The following GNG7 variants were observed in gnomAD, a reference collection of about 807,000 sequenced individuals.
GNG7 encodes guanine nucleotide-binding protein G(I)/G(S)/G(O) subunit gamma-7.
In GNG7, 1 loss-of-function variant was observed where a neutral mutation model predicts 4.0. That is an observed-to-expected ratio of 0.25 (90% CI 0.09 to 1.18). GNG7 has a LOEUF of 1.18. GNG7 is among the 50% of genes most tolerant of loss of function. The probability of loss-of-function intolerance (pLI) is 0.50; values close to 1 mark genes in which losing one functional copy is unlikely to be tolerated. For missense variants in GNG7, 86 were observed against 91.9 expected (o/e 0.94, Z 0.26); for synonymous variants, 34 against 36.9 (o/e 0.92, Z 0.29).
intron 1 of GNG7, among the ~76,000 whole-genome samples, chr19:2,665,366 G>T (rs554502068): frequency 1.0e-3 from 89 of 86,816 alleles, no homozygotes; most frequent in Non-Finnish European, 2.0e-3. Context: ...TCCCCTGGGG[G>T]GGGGGGGGCA....
At chr19:2,687,834 G>A (rs1329840285) in intron 1 of GNG7, among the ~76,000 whole-genome samples, 1 of 151,836 alleles carries the variant, frequency 6.6e-6, no homozygotes, top group East Asian at 1.9e-4. Context: ...AATTAGCCGG[G>A]CAAGGTGGCA....
In GNG7 at chr19:2,614,234, G is replaced by A. The variant is rs933158730; in HGVS notation, c.-78+31990C>T. ...AGCATGGTCGCCAGAAAGCAGGTGC[G>A]GCGACTTTCCCTAGCACCCTCTCCC... On this transcript the variant is annotated intron_variant, in intron 2 of 4. Transcript: ENST00000382159. This position sits in a 1 kb window ranked among gnomAD's most constrained non-coding sequence, Gnocchi z 6.0. 4.6e-5 allele frequency among the ~76,000 whole-genome samples: 7 copies of A among 152,184 alleles called. No individual in the cohort carries two copies. The highest frequency in any genetic ancestry group is 3.9e-4 in the East Asian group (2 of 5,192).
intron 1 of GNG7, among the ~76,000 whole-genome samples, chr19:2,663,312 C>T (rs1398365293): frequency 6.6e-6 from 1 of 151,948 alleles, no homozygotes; most frequent in African/African-American, 2.4e-5. Context: ...TGCCATCTCT[C>T]TTTCTCTCTC....
At position 2,514,062 on chromosome 19, in the gene GNG7, T is replaced by G. The variant is rs1410799972; in HGVS notation, c.*960A>C. On this transcript the variant is annotated 3_prime_UTR_variant, in exon 5 of 5. Transcript: ENST00000382159. The stretch of plus-strand genomic sequence containing the variant: ...AAATACAACAATTAGCCGGGCGTAG[T>G]GGCACACGCCTGTAGTCTCAGCTAC... The G allele has an allele frequency of 1.3e-5, 2 of 152,252 alleles. No individual in the cohort carries two copies. Among genetic ancestry groups the G allele is most frequent in the African/African-American group, 2.4e-5 (1 of 41,422 alleles). 9.4% of individuals were successfully genotyped at this position (152,252 alleles called of 1,614,324 possible).
chr19:2,639,699 AGT>A (rs1483680293), intron 2 of GNG7, among the ~76,000 whole-genome samples: 2 of 7,416 alleles, frequency 2.7e-4, no homozygotes, highest in East Asian at 2.4e-3. Flanking sequence ...GGAGGCAGGG[AGT>A]GGGGGAGGAG....
chr19:2,599,340 T>C (rs1319491940), intron 2 of GNG7, among the ~76,000 whole-genome samples: 1 of 152,120 alleles, frequency 6.6e-6, no homozygotes, highest in African/African-American at 2.4e-5. Context: ...GGCCCACCCC[T>C]TCCTCCTCCC....
At chr19:2,575,466 C>T (rs1330370764) in intron 2 of GNG7, among the ~76,000 whole-genome samples, 5 of 152,020 alleles carry the variant, frequency 3.3e-5, no homozygotes, top group Non-Finnish European at 5.9e-5. Context: ...CGTGTGGACA[C>T]GCAGGCACAC....
chr19:2,663,470 TC>T (rs1198544638), intron 1 of GNG7, among the ~76,000 whole-genome samples: 1 of 152,004 alleles, frequency 6.6e-6, no homozygotes, highest in African/African-American at 2.4e-5. Flanking sequence ...GACTTCCCAG[TC>T]CCTAGAACCG....
chr19:2,527,987 G>A (rs1275475540), intron 3 of GNG7, among the ~76,000 whole-genome samples: 1 of 152,166 alleles, frequency 6.6e-6, no homozygotes, highest in African/African-American at 2.4e-5. Flanking sequence ...ATGAAAATAT[G>A]CTAGGCGTGG....
intron 1 of GNG7, among the ~76,000 whole-genome samples, chr19:2,661,306 A>G (rs867056180): frequency 8.3e-5 from 11 of 132,598 alleles, no homozygotes; most frequent in Admixed American, 4.6e-4. Context: ...AAGAAAGAGA[A>G]AGAAAGAAAG....
rs750797201 is a variant in GNG7, at chr19:2,626,322, G to A, written c.-78+19902C>T. On this transcript the variant is annotated intron_variant, in intron 2 of 4. Coordinates refer to ENST00000382159, the MANE Select transcript of GNG7 (RefSeq NM_052847.3). The surrounding 1 kb of genome is among the most constrained non-coding windows in gnomAD (Gnocchi z 5.0). ...CCGGGATCTCTGCCACCCACAGGAG[G>A]CTGGGGCATCTCTCACCCCCTCTGT... 3.3e-5 allele frequency among the ~76,000 whole-genome samples: 5 copies of A among 152,176 alleles called. No individual in the cohort carries two copies. The highest frequency in any genetic ancestry group is 7.3e-5 in the Non-Finnish European group (5 of 68,036).
At chr19:2,569,822 C>T (rs912037433) in intron 2 of GNG7, among the ~76,000 whole-genome samples, 4 of 152,126 alleles carry the variant, frequency 2.6e-5, no homozygotes, top group Non-Finnish European at 5.9e-5. Flanking sequence ...CAACCACAAA[C>T]GTCACCAGAC....
At chr19:2,558,964 A>G (rs1023025659) in intron 2 of GNG7, among the ~76,000 whole-genome samples, 1 of 151,300 alleles carries the variant, frequency 6.6e-6, no homozygotes, top group Non-Finnish European at 1.5e-5. Flanking sequence ...ACTCTTGGCT[A>G]ATTTTTGTAT....
Position 2,633,523 on chromosome 19 carries a change from ACG to A in GNG7, c.-78+12699_-78+12700del, listed in dbSNP as rs1982226862. The stretch of plus-strand genomic sequence containing the variant: ...CACACACACACACACACACACACAC[ACG>A]AGAGGTGGCTGTGGTCTGCACACTG... On this transcript the variant is annotated intron_variant, in intron 2 of 4. Coordinates refer to ENST00000382159, the MANE Select transcript of GNG7 (RefSeq NM_052847.3). The surrounding 1 kb of genome is among the most constrained non-coding windows in gnomAD (Gnocchi z 5.9). Among the ~76,000 whole-genome samples, 1 of 148,266 alleles carries A rather than the reference ACG, an allele frequency of 6.7e-6. No individual in the cohort carries two copies. Among genetic ancestry groups the A allele is most frequent in the African/African-American group, 2.5e-5 (1 of 40,038 alleles).
intron 2 of GNG7, among the ~76,000 whole-genome samples, chr19:2,565,180 T>A (rs1436370149): frequency 6.6e-6 from 1 of 152,020 alleles, no homozygotes; most frequent in Non-Finnish European, 1.5e-5. Context: ...AAAACACACG[T>A]GCAACCCTCA....
At chr19:2,594,070 T>C (rs1980934097) in intron 2 of GNG7, among the ~76,000 whole-genome samples, 1 of 152,096 alleles carries the variant, frequency 6.6e-6, no homozygotes, top group African/African-American at 2.4e-5. Flanking sequence ...ACAAGTTGTT[T>C]ACAGAAACTG....
chr19:2,663,822 C>T (rs556288442), intron 1 of GNG7, among the ~76,000 whole-genome samples: 1 of 152,300 alleles, frequency 6.6e-6, no homozygotes, highest in South Asian at 2.1e-4. Flanking sequence ...CCTACTAAAG[C>T]AACGTGGCTT....
At chr19:2,668,517 AG>A (rs1479490633) in intron 1 of GNG7, among the ~76,000 whole-genome samples, 1 of 152,016 alleles carries the variant, frequency 6.6e-6, no homozygotes, top group Non-Finnish European at 1.5e-5. Context: ...AACCCCAGGG[AG>A]ATGGAGGGGC....
Position 2,572,995 on chromosome 19 carries a change from A to G in GNG7, c.-77-17807T>C, listed in dbSNP as rs1403568548. On this transcript the variant is annotated intron_variant, in intron 2 of 4. Coordinates refer to ENST00000382159, the MANE Select transcript of GNG7 (RefSeq NM_052847.3). ...ACACATCCATGCATATTCTCTGTGG[A>G]TCTGCCTGTTCTGGAAATTTCTCCT... 2.1e-5 allele frequency among the ~76,000 whole-genome samples: 3 copies of G among 145,510 alleles called. No individual in the cohort carries two copies. In the East Asian group the frequency reaches 6.2e-4, roughly 30 times the overall value.
Sources: gnomAD v4.1 joint callset for allele counts (sites outside exome capture counted in the v4.1 genomes callset) on GRCh38, gnomAD v4.1.1 for gene constraint, Gnocchi (gnomAD v3.1) non-coding constraint, MANE v1.5 for transcripts, NCBI Gene and HGNC (gene_info 2026-07-23, HGNC 2026-07-21) for gene names.